The following EML2 variants were observed in gnomAD, a reference collection of about 807,000 sequenced individuals.
The protein encoded by EML2 is echinoderm microtubule-associated protein-like 2.
In EML2, 59 loss-of-function variants were observed where a neutral mutation model predicts 84.7. The ratio of observed to expected loss-of-function variants is 0.70; its 90% CI spans 0.56 to 0.86. The LOEUF is 0.86. EML2 is among the 40% of genes least tolerant of loss of function. EML2 has a pLI of 0.00. For missense variants in EML2, 818 were observed against 855.6 expected (o/e 0.96, Z 0.55); for synonymous variants, 352 against 348.9 (o/e 1.01, Z -0.10).
At chr19:45,639,172 C>T (rs1600229606) in intron 1 of EML2, 185 bp downstream of exon 1, 2 of 700,702 alleles carry the variant, frequency 2.9e-6, no homozygotes, top group Non-Finnish European at 4.6e-6. Context: ...CAAGGTGCTC[C>T]CCAGCGCCCC....
intron 12 of EML2, 89 bp downstream of exon 12, chr19:45,618,971 T>C (rs759860984): frequency 7.5e-7 from 1 of 1,328,678 alleles, no homozygotes; most frequent in Non-Finnish European, 9.9e-7. Flanking sequence ...AAAGACCTTG[T>C]TTGGTTTCAG....
chr19:45,632,746 G>C (rs999012746), intron 6 of EML2, 115 bp downstream of exon 6: 9 of 880,248 alleles, frequency 1.0e-5, no homozygotes, highest in Middle Eastern at 6.7e-4. Context: ...ACAGAGGCGG[G>C]CCACGCCTCC....
At chr19:45,643,659 A>G, upstream of EML2, 1 of 1,536,054 alleles carries the variant, frequency 6.5e-7, no homozygotes, top group South Asian at 1.2e-5. Context: ...AGACGGGGAC[A>G]GGGCGTGGAG....
At chr19:45,616,414 C>A in intron 15 of EML2, 47 bp downstream of exon 15, 1 of 1,453,066 alleles carries the variant, frequency 6.9e-7, no homozygotes, top group African/African-American at 1.4e-5. Context: ...AATTTTGCAC[C>A]CCCTGGGCGG....
intron 6 of EML2, among the ~76,000 whole-genome samples, 172 bp from the exon 7 acceptor site, chr19:45,630,218 A>C (rs1284315509): frequency 6.6e-6 from 1 of 151,998 alleles, no homozygotes. Flanking sequence ...TAGGCAATAT[A>C]GGGAGACCCT....
In EML2 at chr19:45,626,380, C is replaced by CTTTTTT. The variant is rs35850853; in HGVS notation, c.741+319_741+324dup. ...TCTTCATCCCTTTGAATCCTCACAACTTTTTTTTTTTTTTTTTTTTTTTTT... is the reference window on the plus strand; with the variant it reads ...TCTTCATCCCTTTGAATCCTCACAACTTTTTTTTTTTTTTTTTTTTTTTTTTTTTTT... On this transcript the variant is annotated intron_variant, in intron 8 of 18. Transcript: ENST00000245925. Among the ~76,000 whole-genome samples, 5 of 79,450 alleles carry CTTTTTT rather than the reference C, an allele frequency of 6.3e-5. 1 individual carries two copies. The highest frequency in any genetic ancestry group is 2.8e-4 in the African/African-American group (5 of 18,056). The allele number at this position is 79,450 out of a possible 152,430, so 52.1% of individuals were successfully genotyped here. A position where few individuals can be genotyped will look rare whatever the true frequency, so the allele number is the denominator to read the frequency against.
chr19:45,634,335 C>A lies in EML2; in HGVS notation c.316G>T (p.Asp106Tyr). The A allele has an allele frequency of 6.2e-7, 1 of 1,613,346 alleles. No individual in the cohort carries two copies. Among genetic ancestry groups the A allele is most frequent in the Non-Finnish European group, 8.5e-7 (1 of 1,179,560 alleles). Reference sequence around the variant, plus strand: ...CCCACATCTCACCATTTGATGTCATCGTTGTGTCCCAGGTAGTGTCGCTGC... The same window carrying A: ...CCCACATCTCACCATTTGATGTCATAGTTGTGTCCCAGGTAGTGTCGCTGC... ...QRQRHYLGHN[D>Y]DIKCLAIHPD... The change falls in exon 4 of 19, where the codon GAT becomes TAT. Residue 106 changes from aspartate (D) to tyrosine (Y), a missense_variant. Asp to Tyr is a radical substitution (Grantham distance 160). Transcript: ENST00000245925.
At chr19:45,610,700 C>T (rs775975147) in intron 18 of EML2, among the ~76,000 whole-genome samples, 1 of 151,648 alleles carries the variant, frequency 6.6e-6, no homozygotes, top group Non-Finnish European at 1.5e-5. Flanking sequence ...ATTAGCCGGG[C>T]GTGGTGGCAC....
intron 8 of EML2, among the ~76,000 whole-genome samples, chr19:45,625,803 C>T (rs1247437259): frequency 1.2e-4 from 18 of 152,230 alleles, no homozygotes; most frequent in Admixed American, 1.2e-3. Context: ...TTGTGGCTCT[C>T]TCAGCCAGGC....
intron 8 of EML2, among the ~76,000 whole-genome samples, chr19:45,625,237 G>GTTTTGT (rs759864827): frequency 6.7e-6 from 1 of 150,200 alleles, no homozygotes; most frequent in Non-Finnish European, 1.5e-5. Context: ...GGCTAATTTT[G>GTTTTGT]TTTTGTTTTT....
At chr19:45,645,325 G>T (rs1974949854), upstream of EML2, 1 of 1,532,546 alleles carries the variant, frequency 6.5e-7, no homozygotes. Flanking sequence ...AGAAGGCCGG[G>T]CCGCGCTCCG....
intron 12 of EML2, 158 bp downstream of exon 12, chr19:45,618,902 G>A (rs896054081): frequency 3.3e-5 from 25 of 746,444 alleles, no homozygotes; most frequent in Non-Finnish European, 4.3e-5. Context: ...AGCCGAGATC[G>A]TGCCATTGCC....
chr19:45,640,419 G>GTTTTTTTTTTTTTTGT (rs55686927), upstream of EML2: 1 of 144,918 alleles, frequency 6.9e-6, no homozygotes, highest in Admixed American at 6.9e-5. Flanking sequence ...TTTGTTTTTT[G>GTTTTTTTTTTTTTTGT]TTTTTTGTTT....
rs776477708 is a variant in EML2, at chr19:45,634,371, C to G, written c.280G>C (p.Glu94Gln). ...AGGTAGTGTCGCTGCCTCTGCTCCT[C>G]CACGCTGTATAGCACGGCTACGGAG... Reference protein sequence around the residue: ...VASVAVLYSVEEQRQRHYLGH... With the variant: ...VASVAVLYSVQEQRQRHYLGH... The change falls in exon 4 of 19, where the codon GAG becomes CAG. Residue 94 changes from glutamate (E) to glutamine (Q), a missense_variant. Transcript: ENST00000245925. The G allele has an allele frequency of 2.5e-6, 4 of 1,613,958 alleles. No homozygotes were observed. In the African/African-American group the frequency reaches 5.3e-5, roughly 22 times the overall value.
intron 16 of EML2, among the ~76,000 whole-genome samples, 159 bp downstream of exon 16, chr19:45,615,642 AG>A (rs1970966106): frequency 6.6e-6 from 1 of 152,084 alleles, no homozygotes; most frequent in Non-Finnish European, 1.5e-5. Context: ...GGGGTATACC[AG>A]GGAGAAAATG....
rs1970277158 is a variant in EML2, at chr19:45,609,658, C to A, written c.*5G>T. 2 of 1,597,658 alleles carry A rather than the reference C, an allele frequency of 1.3e-6. No individual in the cohort carries two copies. Among genetic ancestry groups the A allele is most frequent in the Non-Finnish European group, 8.5e-7 (1 of 1,173,728 alleles). On this transcript the variant is annotated 3_prime_UTR_variant, in exon 19 of 19. Coordinates refer to ENST00000245925, the MANE Select transcript of EML2 (RefSeq NM_012155.4). ...GCCCTGACACCTGACTCTTCCCTGG[C>A]CGCATCAGACCACCCGCCACTGTAG...
chr19:45,625,591 C>A (rs1347203611), intron 8 of EML2, among the ~76,000 whole-genome samples: 1 of 152,144 alleles, frequency 6.6e-6, no homozygotes, highest in Non-Finnish European at 1.5e-5. Context: ...CATCCTGTCT[C>A]TCCTCCTCCC....
upstream of EML2, among the ~76,000 whole-genome samples, chr19:45,639,650 A>G (rs181267723): frequency 7.2e-5 from 11 of 152,274 alleles, no homozygotes; most frequent in African/African-American, 2.6e-4. Flanking sequence ...AGCAGTGTAC[A>G]CAGGTCGTCC....
chr19:45,616,888 T>A, intron 13 of EML2, 35 bp from the exon 14 acceptor site: 2 of 1,504,516 alleles, frequency 1.3e-6, no homozygotes, highest in Non-Finnish European at 9.2e-7. Context: ...GGAGGAGGGG[T>A]GAGCTGATCT....
Sources: gnomAD v4.1 joint callset for allele counts (sites outside exome capture counted in the v4.1 genomes callset) on GRCh38, gnomAD v4.1.1 for gene constraint, MANE v1.5 for transcripts, NCBI Gene and HGNC (gene_info 2026-07-23, HGNC 2026-07-21) for gene names.